The following CYP19A1 variants were observed in gnomAD, a reference collection of about 807,000 sequenced individuals.
The protein encoded by CYP19A1 is cytochrome P450 family 19 subfamily A member 1.
Under a neutral mutation model 44.4 loss-of-function variants are expected in CYP19A1, and 32 were observed. The ratio of observed to expected loss-of-function variants is 0.72; its 90% CI spans 0.54 to 0.97. The LOEUF is 0.97. Among genes scored for constraint, CYP19A1 ranks in the 50% least tolerant of loss-of-function variants. The pLI is 0.00. For missense variants in CYP19A1, 598 were observed against 637.8 expected (o/e 0.94, Z 0.67); for synonymous variants, 212 against 215.6 (o/e 0.98, Z 0.14).
intron 1 of CYP19A1, among the ~76,000 whole-genome samples, chr15:51,244,886 G>T (rs995809405): frequency 2.6e-5 from 4 of 152,180 alleles, no homozygotes; most frequent in Admixed American, 6.5e-5. Context: ...CCTCAGTATC[G>T]TAAGTTATGC....
chr15:51,243,214 G>A, intron 1 of CYP19A1: 1 of 382,644 alleles, frequency 2.6e-6, no homozygotes, highest in Non-Finnish European at 4.9e-6. Context: ...TTATCATCTT[G>A]CCCTTGAGTG....
At chr15:51,214,149 A>G (rs1243431568) in intron 8 of CYP19A1, among the ~76,000 whole-genome samples, 2 of 152,236 alleles carry the variant, frequency 1.3e-5, no homozygotes, top group Non-Finnish European at 2.9e-5. Context: ...GGGTCTGTGT[A>G]AAGTCAAGAG....
chr15:51,307,680 G>A lies in CYP19A1; in HGVS notation c.-39+30815C>T, dbSNP rs28757101. 2.0e-3 allele frequency among the ~76,000 whole-genome samples: 299 copies of A among 152,256 alleles called. 3 individuals carry two copies. The East Asian group carries it at 0.024, about 12-fold the overall frequency. ...ATCATCTTTGGTTCCCAGCTAAGCT[G>A]TCAACTTCTGGGTTTGCCTCAATTT... On this transcript the variant is annotated intron_variant, in intron 1 of 9. Coordinates refer to ENST00000396402, the MANE Select transcript of CYP19A1 (RefSeq NM_000103.4).
intron 3 of CYP19A1, among the ~76,000 whole-genome samples, chr15:51,231,736 G>A (rs1403396047): frequency 6.6e-6 from 1 of 151,888 alleles, no homozygotes; most frequent in African/African-American, 2.4e-5. Flanking sequence ...CATGTCCCCA[G>A]CCCATTCACT....
At chr15:51,291,686 G>A (rs768368941) in intron 1 of CYP19A1, among the ~76,000 whole-genome samples, 2 of 152,188 alleles carry the variant, frequency 1.3e-5, no homozygotes, top group Non-Finnish European at 2.9e-5. Flanking sequence ...GATGAGACTG[G>A]CTGAGATGAC....
At chr15:51,316,616 C>A (rs900445865) in intron 1 of CYP19A1, among the ~76,000 whole-genome samples, 1 of 151,462 alleles carries the variant, frequency 6.6e-6, no homozygotes, top group Non-Finnish European at 1.5e-5. Context: ...TGGTGGCTCA[C>A]CCCTGTAATC....
intron 1 of CYP19A1, among the ~76,000 whole-genome samples, chr15:51,251,499 TCA>T (rs945222813): frequency 2.0e-5 from 3 of 152,202 alleles, no homozygotes; most frequent in Non-Finnish European, 4.4e-5. Context: ...GAGCAAGGAC[TCA>T]CACCTCGCTT....
At chr15:51,264,148 G>A (rs1051587418) in intron 1 of CYP19A1, among the ~76,000 whole-genome samples, 8 of 152,340 alleles carry the variant, frequency 5.3e-5, no homozygotes, top group African/African-American at 1.7e-4. Flanking sequence ...GAGAACTGCT[G>A]TAGAGAAGGG....
At chr15:51,232,304 C>T (rs1284505859) in intron 3 of CYP19A1, among the ~76,000 whole-genome samples, 1 of 152,218 alleles carries the variant, frequency 6.6e-6, no homozygotes, top group Non-Finnish European at 1.5e-5. Context: ...TCCATGCATT[C>T]CCTTGCCCCA....
intron 1 of CYP19A1, among the ~76,000 whole-genome samples, chr15:51,254,218 C>T (rs1435494077): frequency 1.3e-5 from 2 of 152,264 alleles, no homozygotes; most frequent in African/African-American, 4.8e-5. Context: ...TAGCAGAGGC[C>T]AGGCATCTTC....
intron 1 of CYP19A1, among the ~76,000 whole-genome samples, chr15:51,254,154 G>C (rs188622201): frequency 2.0e-5 from 3 of 152,300 alleles, no homozygotes; most frequent in African/African-American, 7.2e-5. Context: ...AAGTAAAGGA[G>C]GTTTTGAGAA....
chr15:51,273,114 C>T (rs2035187758), intron 1 of CYP19A1, among the ~76,000 whole-genome samples: 1 of 152,062 alleles, frequency 6.6e-6, no homozygotes, highest in African/African-American at 2.4e-5. Context: ...TGCACGTTAC[C>T]ACACCCAGCT....
chr15:51,246,146 C>T lies in CYP19A1; in HGVS notation c.-38-3196G>A, dbSNP rs112608527. 5.7e-3 allele frequency among the ~76,000 whole-genome samples: 872 copies of T among 152,248 alleles called. 11 individuals are homozygous for T. Among genetic ancestry groups the T allele is most frequent in the African/African-American group, 0.02 (843 of 41,524 alleles). On this transcript the variant is annotated intron_variant, in intron 1 of 9. Transcript: ENST00000396402. ...CTGTTCAGTGGAACATTCTAATGGG[C>T]CACGTGGGTAGGTTAAACAGAAGCC... is the stretch of plus-strand genomic sequence containing the variant.
In CYP19A1 at chr15:51,210,022, C is replaced by A; in HGVS notation, c.*786G>T. The A allele has an allele frequency of 5.7e-6, 1 of 176,912 alleles. No individual in the cohort carries two copies. Among genetic ancestry groups the A allele is most frequent in the Admixed American group, 5.9e-5 (1 of 16,948 alleles). The allele number at this position is 176,912 out of a possible 1,614,324, so 11.0% of individuals were successfully genotyped here. ...AAGTGCATCATGTGAATTTTTTTTT[C>A]TACAGCAGACACAGGGCCCTAATAA... On this transcript the variant is annotated 3_prime_UTR_variant, in exon 10 of 10. Coordinates refer to ENST00000396402, the MANE Select transcript of CYP19A1 (RefSeq NM_000103.4).
intron 1 of CYP19A1, chr15:51,321,021 T>C (rs1038646001): frequency 7.9e-5 from 12 of 152,442 alleles, no homozygotes; most frequent in African/African-American, 2.9e-4. Context: ...TACTGGACAG[T>C]GCAGCTGGAA....
chr15:51,217,596 G>T (rs1477826227), intron 6 of CYP19A1, among the ~76,000 whole-genome samples: 3 of 152,144 alleles, frequency 2.0e-5, no homozygotes, highest in Non-Finnish European at 4.4e-5. Flanking sequence ...GTAGAATAAA[G>T]TCAGGTCTTC....
intron 1 of CYP19A1, among the ~76,000 whole-genome samples, chr15:51,245,709 A>G (rs1205834430): frequency 6.6e-6 from 1 of 152,276 alleles, no homozygotes; most frequent in Non-Finnish European, 1.5e-5. Flanking sequence ...AATATTTTTT[A>G]ACACCTAGAA....
intron 1 of CYP19A1, among the ~76,000 whole-genome samples, chr15:51,309,677 A>C (rs1329363617): frequency 1.3e-5 from 2 of 152,212 alleles, no homozygotes; most frequent in African/African-American, 4.8e-5. Context: ...ATAGTGCTTT[A>C]CTGTTGGTTC....
At chr15:51,308,591 G>T (rs2036256052) in intron 1 of CYP19A1, among the ~76,000 whole-genome samples, 1 of 152,018 alleles carries the variant, frequency 6.6e-6, no homozygotes, top group Non-Finnish European at 1.5e-5. Flanking sequence ...CTCCTCCCCA[G>T]TATGGCTCAC....
Sources: allele counts gnomAD v4.1 joint callset (sites outside exome capture counted in the v4.1 genomes callset), GRCh38; gene constraint gnomAD v4.1.1; transcripts MANE v1.5; gene names NCBI Gene and HGNC (gene_info 2026-07-23, HGNC 2026-07-21).